Variants in ENTPD1 observed in about 807,000 individuals in gnomAD.
ENTPD1 encodes the protein ATP diphosphohydrolase.
Under a neutral mutation model 57.0 loss-of-function variants are expected in ENTPD1, and 33 were observed. The observed-to-expected ratio is 0.58, with a 90% CI of 0.44 to 0.77. The LOEUF is 0.77. Among genes scored for constraint, ENTPD1 ranks in the 30% least tolerant of loss-of-function variants. ENTPD1 has a pLI of 0.00. For synonymous variants in ENTPD1, 202 were observed against 218.8 expected, an observed-to-expected ratio of 0.92 and a Z score of 0.68; for missense variants, 501 against 603.4, an observed-to-expected ratio of 0.83 and a Z score of 1.78.
At chr10:95,759,214 T>A (rs948268080) in intron 1 of ENTPD1, among the ~76,000 whole-genome samples, 5 of 152,240 alleles carry the variant, frequency 3.3e-5, no homozygotes, top group Non-Finnish European at 5.9e-5. Flanking sequence ...TCCCCACTGG[T>A]ACATATAGAT....
At chr10:95,736,423 T>G (rs1029729962) in intron 1 of ENTPD1, among the ~76,000 whole-genome samples, 1 of 152,178 alleles carries the variant, frequency 6.6e-6, no homozygotes. Flanking sequence ...AAATGTTTAT[T>G]AAAATGTTTA....
chr10:95,694,207 G>T, the ENTPD1 span: 2 of 392,854 alleles, frequency 5.1e-6, no homozygotes, highest in East Asian at 1.3e-4. Flanking sequence ...TCGGCGGACC[G>T]AGAGGTTCCG....
chr10:95,734,171 A>G (rs2097992106), intron 1 of ENTPD1, among the ~76,000 whole-genome samples: 1 of 152,218 alleles, frequency 6.6e-6, no homozygotes, highest in Admixed American at 6.5e-5. Flanking sequence ...GATGGGATCA[A>G]GCTAGGTGTG....
rs1255921803 is a variant in ENTPD1, at chr10:95,866,542, G to A, written c.*159G>A. On this transcript the variant is annotated 3_prime_UTR_variant, in exon 10 of 10. Transcript: ENST00000371205. ...CTTTTACTGAAGCCTTTCTTTTGGA[G>A]GTATTCAATATCCTTTGCCTCAAGG... The A allele has an allele frequency of 2.0e-6, 3 of 1,507,340 alleles. No individual in the cohort carries two copies. Among genetic ancestry groups the A allele is most frequent in the Non-Finnish European group, 2.6e-6 (3 of 1,132,318 alleles). The allele number at this position is 1,507,340 out of a possible 1,614,324, so 93.4% of individuals were successfully genotyped here.
At chr10:95,701,110 T>C in the ENTPD1 span, among the ~76,000 whole-genome samples, 3 of 152,168 alleles carry the variant, frequency 2.0e-5, no homozygotes, top group African/African-American at 7.2e-5. Flanking sequence ...AAAATCTTAA[T>C]AGGCAAATGC....
intron 1 of ENTPD1, among the ~76,000 whole-genome samples, chr10:95,789,582 GA>G: frequency 6.6e-6 from 1 of 152,112 alleles, no homozygotes; most frequent in South Asian, 2.1e-4. Flanking sequence ...ACTCAAAGAT[GA>G]ACCATATAGC....
intron 7 of ENTPD1, among the ~76,000 whole-genome samples, chr10:95,853,020 G>C (rs1195390028): frequency 3.9e-5 from 6 of 152,152 alleles, no homozygotes; most frequent in Non-Finnish European, 7.3e-5. Flanking sequence ...ATTACCTTGG[G>C]CAGTATGGCC....
At chr10:95,851,548 T>C (rs2098445125) in intron 7 of ENTPD1, among the ~76,000 whole-genome samples, 1 of 151,732 alleles carries the variant, frequency 6.6e-6, no homozygotes, top group Admixed American at 6.6e-5. Flanking sequence ...TCATTTACAT[T>C]AGGTATATCT....
At chr10:95,827,062 C>A (rs1248218159) in intron 2 of ENTPD1, among the ~76,000 whole-genome samples, 1 of 152,122 alleles carries the variant, frequency 6.6e-6, no homozygotes, top group Non-Finnish European at 1.5e-5. Flanking sequence ...CAAAGAGCTA[C>A]ATTTTAGAAA....
rs577106281 is a variant in ENTPD1, at chr10:95,719,845, G to A, written c.37+7852G>A. Among the ~76,000 whole-genome samples, 523 of 150,628 alleles carry A rather than the reference G, an allele frequency of 3.5e-3. 2 individuals carry two copies. Among genetic ancestry groups the A allele is most frequent in the African/African-American group, 0.012 (482 of 40,932 alleles). ...CCAGGTGAGTTGAGACATTGGGTTC[G>A]AAGGATCTTCAAAGGCAAACAAGAA... On this transcript the variant is annotated intron_variant, in intron 1 of 9. Transcript: ENST00000453258.
intron 1 of ENTPD1, among the ~76,000 whole-genome samples, chr10:95,813,641 C>T (rs967116925): frequency 4.6e-5 from 7 of 152,032 alleles, no homozygotes; most frequent in South Asian, 2.1e-4. Flanking sequence ...CCATCTTGGC[C>T]GAGAACGCAG....
At chr10:95,774,209 C>A (rs944900468) in intron 1 of ENTPD1, among the ~76,000 whole-genome samples, 5 of 151,296 alleles carry the variant, frequency 3.3e-5, no homozygotes, top group East Asian at 2.0e-4. Flanking sequence ...TGTTTAAGTT[C>A]TTTGTAGATT....
At chr10:95,786,011 G>T (rs532932096) in intron 1 of ENTPD1, among the ~76,000 whole-genome samples, 2 of 152,178 alleles carry the variant, frequency 1.3e-5, no homozygotes, top group Non-Finnish European at 2.9e-5. Flanking sequence ...AGGCAGGAAG[G>T]AGACAAGAGT....
the ENTPD1 span, among the ~76,000 whole-genome samples, chr10:95,694,895 ATTTTTTTT>A: frequency 8.1e-5 from 8 of 98,744 alleles, no homozygotes; most frequent in Non-Finnish European, 1.2e-4. Context: ...TGAGGAGCTG[ATTTTTTTT>A]TTTTTTTTTT....
At chr10:95,852,199 C>A (rs1363597129) in intron 7 of ENTPD1, among the ~76,000 whole-genome samples, 3 of 152,136 alleles carry the variant, frequency 2.0e-5, no homozygotes, top group East Asian at 3.8e-4. Flanking sequence ...AGCATTTTTT[C>A]ATGTATCTGT....
At chr10:95,861,993 C>T (rs2098466172) in intron 8 of ENTPD1, among the ~76,000 whole-genome samples, 1 of 150,526 alleles carries the variant, frequency 6.6e-6, no homozygotes, top group African/African-American at 2.4e-5. Flanking sequence ...AGGACTCCAT[C>T]TCAAAAATTA....
At chr10:95,734,169 C>T (rs2097992097) in intron 1 of ENTPD1, among the ~76,000 whole-genome samples, 1 of 152,176 alleles carries the variant, frequency 6.6e-6, no homozygotes, top group African/African-American at 2.4e-5. Flanking sequence ...CAGATGGGAT[C>T]AAGCTAGGTG....
chr10:95,751,446 G>A (rs988938628), upstream of ENTPD1, among the ~76,000 whole-genome samples: 9 of 152,280 alleles, frequency 5.9e-5, no homozygotes, highest in Non-Finnish European at 1.2e-4. Flanking sequence ...GGGGTTGGGC[G>A]CAGTGGCTCA....
At chr10:95,753,568 C>T (rs569152933), upstream of ENTPD1, 1 of 152,318 alleles carries the variant, frequency 6.6e-6, no homozygotes, top group South Asian at 2.1e-4. Flanking sequence ...GGTACTAGAA[C>T]AATTTACTTT....
Sources: gnomAD v4.1 joint callset for allele counts (sites outside exome capture counted in the v4.1 genomes callset) on GRCh38, gnomAD v4.1.1 for gene constraint, MANE v1.5 for transcripts, NCBI Gene and HGNC (gene_info 2026-07-23, HGNC 2026-07-21) for gene names.